AXL: variants seen among roughly 807,000 people sequenced by gnomAD.
AXL encodes AXL receptor tyrosine kinase.
A neutral mutation model predicts 104.5 loss-of-function variants in AXL; 52 were observed. That is an observed-to-expected ratio of 0.50 (90% CI 0.40 to 0.63). AXL has a LOEUF of 0.63. Ranked by LOEUF, AXL falls within the 20% of genes least tolerant of loss-of-function variation. The probability of loss-of-function intolerance (pLI) is 0.00; values close to 1 mark genes in which losing one functional copy is unlikely to be tolerated. For synonymous variants in AXL, 455 were observed against 473.7 expected (o/e 0.96, Z 0.51); for missense variants, 1,024 against 1,188.5 (o/e 0.86, Z 2.04).
rs770402054 is a variant in AXL, at chr19:41,237,996, C to T, written c.836C>T (p.Pro279Leu). The change falls in exon 7 of 20, where the codon CCA becomes CTA. Residue 279 changes from proline (P) to leucine (L), a missense_variant. Transcript: ENST00000301178. Reference sequence around the variant, plus strand: ...ATCCAGGCGGGAGAACCAGACCCCCCAGAGGAGCCCCTCACCTCGCAAGCA... The same window carrying T: ...ATCCAGGCGGGAGAACCAGACCCCCTAGAGGAGCCCCTCACCTCGCAAGCA... ...MGIQAGEPDP[P>L]EEPLTSQASV... is the part of the protein sequence containing the mutation. The T allele has an allele frequency of 6.2e-7, 1 of 1,613,962 alleles. No homozygotes were observed. The highest frequency in any genetic ancestry group is 8.5e-7 in the Non-Finnish European group (1 of 1,179,968).
intron 17 of AXL, among the ~76,000 whole-genome samples, chr19:41,255,355 CTTTT>C (rs1042000574): frequency 1.6e-5 from 2 of 127,360 alleles, no homozygotes; most frequent in South Asian, 2.4e-4. Flanking sequence ...TTTCTTCTTT[CTTTT>C]CTTTCTCTTT....
intron 14 of AXL, among the ~76,000 whole-genome samples, chr19:41,250,042 T>C (rs1373321811): frequency 6.6e-6 from 1 of 152,180 alleles, no homozygotes; most frequent in East Asian, 1.9e-4. Context: ...TTACCAGCTA[T>C]GCGATCTCAG....
At chr19:41,245,402 G>A (rs894914436) in intron 12 of AXL, among the ~76,000 whole-genome samples, 2 of 152,186 alleles carry the variant, frequency 1.3e-5, no homozygotes, top group African/African-American at 4.8e-5. Flanking sequence ...GGTCTCAGCC[G>A]AGGAGGGGAT....
chr19:41,235,719 T>A (rs1001763441), intron 6 of AXL, among the ~76,000 whole-genome samples: 3 of 152,218 alleles, frequency 2.0e-5, no homozygotes, highest in Non-Finnish European at 2.9e-5. Flanking sequence ...GACAAACTGA[T>A]GACCTTGAAC....
At chr19:41,223,860 G>A (rs151289393) in intron 4 of AXL, among the ~76,000 whole-genome samples, 10 of 152,190 alleles carry the variant, frequency 6.6e-5, no homozygotes, top group Non-Finnish European at 1.3e-4. Context: ...GTGGTGGGGT[G>A]TCTGGATATC....
At position 41,221,152 on chromosome 19, in the gene AXL, C is replaced by T. The variant is rs753476920; in HGVS notation, c.315C>T (p.Thr105=). The T allele has an allele frequency of 1.7e-5, 27 of 1,613,844 alleles. No individual in the cohort carries two copies. The highest frequency in any genetic ancestry group is 2.3e-5 in the Non-Finnish European group (27 of 1,179,868). ...DWIVVSQLRI[T]SLQLSDTGQY... ...TCTCCTCTTGCCCTGTCAGAATCACCTCCCTGCAGCTTTCCGACACGGGAC... is the reference window on the plus strand; with the variant it reads ...TCTCCTCTTGCCCTGTCAGAATCACTTCCCTGCAGCTTTCCGACACGGGAC... Residue 105 remains threonine, a synonymous_variant, in exon 3 of 20, where the codon ACC becomes ACT. Transcript: ENST00000301178.
intron 14 of AXL, among the ~76,000 whole-genome samples, chr19:41,251,865 G>A (rs940729762): frequency 1.3e-5 from 2 of 151,928 alleles, no homozygotes; most frequent in African/African-American, 2.4e-5. Flanking sequence ...TGTAATCCTA[G>A]CACTTTGGGA....
intron 4 of AXL, among the ~76,000 whole-genome samples, chr19:41,225,460 TG>T (rs2033863105): frequency 6.6e-6 from 1 of 152,160 alleles, no homozygotes. Flanking sequence ...TGTGTCCTGG[TG>T]TGTATCTATC....
rs61737386 is a variant in AXL, at chr19:41,259,670, C to T, written c.2451C>T (p.Asp817=). 4.5e-3 allele frequency: 7,209 copies of T among 1,614,008 alleles called. 290 individuals carry two copies. The African/African-American group carries it at 0.082, about 18-fold the overall frequency. ...LKALPPAQEP[D]EILYVNMDEG... is the part of the protein sequence containing the mutation. Reference sequence around the variant, plus strand: ...CCTTGCCTCCTGCCCAGGAGCCTGACGAAATCCTCTATGTCAACATGGATG... The same window carrying T: ...CCTTGCCTCCTGCCCAGGAGCCTGATGAAATCCTCTATGTCAACATGGATG... The change falls in exon 20 of 20, where the codon GAC becomes GAT. Residue 817 remains aspartate, a synonymous_variant. Coordinates refer to ENST00000301178, the MANE Select transcript of AXL (RefSeq NM_021913.5).
chr19:41,234,006 A>T (rs2034038592), intron 6 of AXL, among the ~76,000 whole-genome samples: 1 of 151,902 alleles, frequency 6.6e-6, no homozygotes, highest in Admixed American at 6.6e-5. Context: ...AACTGTCTGT[A>T]CCCATCTCCT....
intron 17 of AXL, among the ~76,000 whole-genome samples, chr19:41,255,351 C>CT (rs540337747): frequency 0.011 from 984 of 89,654 alleles, 13 homozygotes; most frequent in African/African-American, 0.032. Flanking sequence ...GTCCTTTCTT[C>CT]TTTCTTTTCT....
intron 1 of AXL, among the ~76,000 whole-genome samples, chr19:41,220,015 C>T (rs941701603): frequency 3.3e-5 from 5 of 151,960 alleles, no homozygotes; most frequent in African/African-American, 1.2e-4. Flanking sequence ...CTCTGTGGGT[C>T]TCTGTTTCTC....
intron 4 of AXL, among the ~76,000 whole-genome samples, chr19:41,228,059 C>T (rs573929908): frequency 6.6e-6 from 1 of 152,194 alleles, no homozygotes; most frequent in South Asian, 2.1e-4. Context: ...GTAACTGAAA[C>T]CTCAAAAAGT....
intron 14 of AXL, among the ~76,000 whole-genome samples, chr19:41,250,545 C>T (rs1252941984): frequency 1.3e-5 from 2 of 152,156 alleles, no homozygotes; most frequent in African/African-American, 2.4e-5. Context: ...CAGGTTCAAG[C>T]GATTCTTCTG....
In AXL at chr19:41,219,388, C is replaced by T; in HGVS notation, c.-5C>T. 2 of 1,589,792 alleles carry T rather than the reference C, an allele frequency of 1.3e-6. No individual in the cohort carries two copies. The highest frequency in any genetic ancestry group is 1.3e-5 in the African/African-American group (1 of 74,580). On this transcript the variant is annotated 5_prime_UTR_variant, in exon 1 of 20. Transcript: ENST00000301178. ...CCAACAACTTCTGAGGAAAGTTTGG[C>T]ACCCATGGCGTGGCGGTGCCCCAGG...
chr19:41,222,133 C>A (rs2033802610), intron 4 of AXL, 77 bp downstream of exon 4: 1 of 1,384,026 alleles, frequency 7.2e-7, no homozygotes, highest in Non-Finnish European at 9.5e-7. Context: ...AACATTGCTA[C>A]CTCTGCGTGA....
At chr19:41,236,392 C>CT (rs2034079749) in intron 6 of AXL, among the ~76,000 whole-genome samples, 1 of 149,160 alleles carries the variant, frequency 6.7e-6, no homozygotes, top group Non-Finnish European at 1.5e-5. Flanking sequence ...ATCCCATCTA[C>CT]TTGGGAGGCC....
Position 41,243,672 on chromosome 19 carries a change from G to T in AXL, c.1502G>T (p.Arg501Leu). The change falls in exon 12 of 20, where the codon CGC becomes CTC. Residue 501 changes from arginine to leucine, a missense_variant. Around this residue, in one of 5 missense-constraint regions of AXL, gnomAD observed 523 missense variants for 636.0 expected, o/e 0.82. Coordinates refer to ENST00000301178, the MANE Select transcript of AXL (RefSeq NM_021913.5). Reference protein sequence around the residue: ...RGELVVRYRVRKSYSRRTTEA... With the variant: ...RGELVVRYRVLKSYSRRTTEA... Reference sequence around the variant, plus strand: ...GAACTGGTAGTCAGGTACCGCGTGCGCAAGTCCTACAGTCGTCGGACCACT... The same window carrying T: ...GAACTGGTAGTCAGGTACCGCGTGCTCAAGTCCTACAGTCGTCGGACCACT... 1 of 1,614,058 alleles carries T rather than the reference G, an allele frequency of 6.2e-7. No homozygotes were observed. The highest frequency in any genetic ancestry group is 8.5e-7 in the Non-Finnish European group (1 of 1,179,994).
chr19:41,222,015 C>A lies in AXL; in HGVS notation c.545C>A (p.Thr182Lys), dbSNP rs138094666. The A allele has an allele frequency of 1.2e-6, 2 of 1,602,828 alleles. No homozygotes were observed. The highest frequency in any genetic ancestry group is 1.7e-6 in the Non-Finnish European group (2 of 1,175,664). ...LWLQDAVPLA[T>K]APGHGPQRSL... ...CTCCAGGATGCTGTCCCCCTGGCCACGGCTCCAGGTCACGGCCCCCAGCGC... is the reference window on the plus strand; with the variant it reads ...CTCCAGGATGCTGTCCCCCTGGCCAAGGCTCCAGGTCACGGCCCCCAGCGC... Residue 182 changes from threonine to lysine, a missense_variant, in exon 4 of 20, where the codon ACG becomes AAG. Transcript: ENST00000301178.
Sources: allele counts gnomAD v4.1 joint callset (sites outside exome capture counted in the v4.1 genomes callset), GRCh38; gene constraint gnomAD v4.1.1; regional missense constraint gnomAD v4.1.1; transcripts MANE v1.5; gene names NCBI Gene and HGNC (gene_info 2026-07-23, HGNC 2026-07-21).